The following SLC47A1 variants were observed in gnomAD, a reference collection of about 807,000 sequenced individuals.
SLC47A1 encodes multidrug and toxin extrusion protein 1.
A neutral mutation model predicts 65.8 loss-of-function variants in SLC47A1; 58 were observed. That is an observed-to-expected ratio of 0.88 (90% confidence interval 0.71 to 1.10). The LOEUF is 1.10. Among genes scored for constraint, SLC47A1 ranks in the 50% least tolerant of loss-of-function variants. The probability of loss-of-function intolerance (pLI) is 0.00; values close to 1 mark genes in which losing one functional copy is unlikely to be tolerated. For synonymous variants in SLC47A1, 285 were observed against 295.0 expected, an observed-to-expected ratio of 0.97 and a Z score of 0.35; for missense variants, 706 against 719.2, an observed-to-expected ratio of 0.98 and a Z score of 0.21.
chr17:19,545,401 T>C (rs1400047459), intron 2 of SLC47A1, among the ~76,000 whole-genome samples: 1 of 151,916 alleles, frequency 6.6e-6, no homozygotes, highest in Non-Finnish European at 1.5e-5. Context: ...ACCATATTGG[T>C]CAGGCTGGTC....
intron 12 of SLC47A1, among the ~76,000 whole-genome samples, chr17:19,564,853 T>C (rs1322124493): frequency 1.3e-5 from 2 of 152,144 alleles, no homozygotes; most frequent in African/African-American, 4.8e-5. Context: ...CCCGAGTAGC[T>C]GGGATTACAG....
chr17:19,542,339 G>T, intron 1 of SLC47A1, 54 bp from the exon 2 acceptor site: 1 of 1,407,958 alleles, frequency 7.1e-7, no homozygotes, highest in Admixed American at 2.4e-5. Flanking sequence ...GGGGCCCCAG[G>T]CTTCCCTGCA....
In SLC47A1 at chr17:19,577,775, A is replaced by C; in HGVS notation, c.*222A>C. 7.3e-7 allele frequency: 1 copy of C among 1,377,272 alleles called. No homozygotes were observed. Among genetic ancestry groups the C allele is most frequent in the Non-Finnish European group, 9.4e-7 (1 of 1,066,156 alleles). 85.3% of individuals were successfully genotyped at this position (1,377,272 alleles called of 1,614,324 possible). On this transcript the variant is annotated 3_prime_UTR_variant, in exon 17 of 17. Transcript: ENST00000270570. ...CTGTCTGAAAGATGACATGAGTAGT[A>C]ATTCACCACTATCTGAACCAAGCAA...
chr17:19,542,368 C>T (rs1916171903), intron 1 of SLC47A1, 25 bp from the exon 2 acceptor site: 2 of 1,569,800 alleles, frequency 1.3e-6, no homozygotes, highest in East Asian at 4.6e-5. Flanking sequence ...CACTCACGTC[C>T]CTTCCCGTTC....
At chr17:19,557,545 G>C (rs767554037) in intron 10 of SLC47A1, 3 of 514,390 alleles carry the variant, frequency 5.8e-6, no homozygotes, top group African/African-American at 5.8e-5. Context: ...ATTTCTTTAA[G>C]ATTCATAAAA....
chr17:19,544,111 A>AT (rs778079461), intron 2 of SLC47A1, among the ~76,000 whole-genome samples: 10 of 151,892 alleles, frequency 6.6e-5, no homozygotes, highest in East Asian at 5.8e-4. Context: ...CACCCAGCTA[A>AT]TTTTTTGTAT....
chr17:19,549,814 T>C, intron 5 of SLC47A1, 137 bp downstream of exon 5: 1 of 895,686 alleles, frequency 1.1e-6, no homozygotes, highest in Non-Finnish European at 1.8e-6. Flanking sequence ...AGGAAGCCTG[T>C]TTTTATTTAT....
At chr17:19,560,519 G>A in intron 12 of SLC47A1, 26 bp downstream of exon 12, 1 of 1,607,056 alleles carries the variant, frequency 6.2e-7, no homozygotes, top group African/African-American at 1.3e-5. Context: ...TTCTTGAAAT[G>A]TGAAATCTGT....
At position 19,562,440 on chromosome 17, in the gene SLC47A1, C is replaced by T. The variant is rs551520603; in HGVS notation, c.1106+1947C>T. Among the ~76,000 whole-genome samples, 7 of 152,134 alleles carry T rather than the reference C, an allele frequency of 4.6e-5. No homozygotes were observed. In the South Asian group the frequency reaches 1.5e-3, roughly 32 times the overall value. Reference sequence around the variant, plus strand: ...ATTAGCTAGGCGTGGTGAGGCACGCCTGCAATCCCAGCTACTCAGGAGGCT... The same window carrying T: ...ATTAGCTAGGCGTGGTGAGGCACGCTTGCAATCCCAGCTACTCAGGAGGCT... On this transcript the variant is annotated intron_variant, in intron 12 of 16. Coordinates refer to ENST00000270570, the MANE Select transcript of SLC47A1 (RefSeq NM_018242.3).
At chr17:19,551,398 C>T in intron 5 of SLC47A1, 26 bp from the exon 6 acceptor site, 2 of 1,583,282 alleles carry the variant, frequency 1.3e-6, no homozygotes, top group Non-Finnish European at 8.7e-7. Context: ...GAAACATTAA[C>T]ATTCATCTCT....
Position 19,578,418 on chromosome 17 carries a change from A to G in SLC47A1, c.*865A>G. The G allele has an allele frequency of 5.9e-6, 1 of 170,664 alleles. No individual in the cohort carries two copies. Among genetic ancestry groups the G allele is most frequent in the Non-Finnish European group, 1.3e-5 (1 of 79,290 alleles). 10.6% of individuals were successfully genotyped at this position (170,664 alleles called of 1,614,324 possible). A position where few individuals can be genotyped will look rare whatever the true frequency, so the allele number is the denominator to read the frequency against. On this transcript the variant is annotated 3_prime_UTR_variant, in exon 17 of 17. Coordinates refer to ENST00000270570, the MANE Select transcript of SLC47A1 (RefSeq NM_018242.3). The stretch of plus-strand genomic sequence containing the variant: ...CCTTTGTTTCCCAGGCTGGTCTTGA[A>G]TTCCTGGGATCAAGCAATCCTTCCA...
chr17:19,566,863 A>C lies in SLC47A1; in HGVS notation c.1176+4A>C. On this transcript the variant is annotated splice_donor_region_variant and intron_variant, in intron 13 of 16. Transcript: ENST00000270570. ...CCACCTCTTTGAAGCTCTTGCTGTA[A>C]GTATTATGTAGTAGTCCCCTAAGCA... 1 of 1,613,992 alleles carries C rather than the reference A, an allele frequency of 6.2e-7. No homozygotes were observed. Among genetic ancestry groups the C allele is most frequent in the African/African-American group, 1.3e-5 (1 of 75,006 alleles).
chr17:19,538,304 A>C (rs914632820), intron 1 of SLC47A1, among the ~76,000 whole-genome samples: 1 of 152,178 alleles, frequency 6.6e-6, no homozygotes, highest in African/African-American at 2.4e-5. Context: ...TACCCAAAAA[A>C]CGCTGGCAAC....
At chr17:19,546,253 TC>T (rs1916288762) in intron 2 of SLC47A1, among the ~76,000 whole-genome samples, 181 bp from the exon 3 acceptor site, 1 of 152,072 alleles carries the variant, frequency 6.6e-6, no homozygotes, top group Non-Finnish European at 1.5e-5. Flanking sequence ...TGTCCAGAAT[TC>T]TTGTTAAACC....
chr17:19,564,163 G>A (rs1029537836), intron 12 of SLC47A1, among the ~76,000 whole-genome samples: 4 of 152,026 alleles, frequency 2.6e-5, no homozygotes, highest in African/African-American at 9.7e-5. Flanking sequence ...GACCAGCCTG[G>A]GAAACATGGC....
intron 15 of SLC47A1, 83 bp from the exon 16 acceptor site, chr17:19,572,697 T>C: frequency 7.8e-7 from 1 of 1,278,580 alleles, no homozygotes; most frequent in Non-Finnish European, 1.1e-6. Flanking sequence ...GAAAATGGCT[T>C]GGCTCTTCCT....
intron 14 of SLC47A1, among the ~76,000 whole-genome samples, chr17:19,569,245 G>A (rs904570954): frequency 2.6e-5 from 4 of 151,848 alleles, no homozygotes; most frequent in African/African-American, 4.8e-5. Flanking sequence ...GGTGGTGTGC[G>A]CCTGTAGTTC....
chr17:19,569,383 C>T (rs2084383142), intron 14 of SLC47A1, among the ~76,000 whole-genome samples: 2 of 150,890 alleles, frequency 1.3e-5, no homozygotes, highest in South Asian at 2.1e-4. Context: ...AAAAAAAAAG[C>T]GTAACTAATT....
At position 19,560,477 on chromosome 17, in the gene SLC47A1, A is replaced by C. The variant is rs923336838; in HGVS notation, c.1090A>C (p.Ile364Leu). The change falls in exon 12 of 17, where the codon ATT becomes CTT. Residue 364 changes from isoleucine to leucine, a missense_variant. By Grantham distance (5) the Ile-to-Leu change is conservative (BLOSUM62 2). Coordinates refer to ENST00000270570, the MANE Select transcript of SLC47A1 (RefSeq NM_018242.3). The stretch of plus-strand genomic sequence containing the variant: ...AAGCTGTAAGGATCACGTGGGGTAC[A>C]TTTTTACTACCGACCGGTGAGTGCT... Reference protein sequence around the residue: ...LLSCKDHVGYIFTTDRDIINL... With the variant: ...LLSCKDHVGYLFTTDRDIINL... 1.9e-6 allele frequency: 3 copies of C among 1,614,066 alleles called. No individual in the cohort carries two copies. Among genetic ancestry groups the C allele is most frequent in the Non-Finnish European group, 2.5e-6 (3 of 1,180,032 alleles).
Sources: allele counts gnomAD v4.1 joint callset (sites outside exome capture counted in the v4.1 genomes callset), GRCh38; gene constraint gnomAD v4.1.1; transcripts MANE v1.5; gene names NCBI Gene and HGNC (gene_info 2026-07-23, HGNC 2026-07-21).